GAN: variants seen among roughly 807,000 people sequenced by gnomAD.
GAN encodes epididymis secretory sperm binding protein.
In GAN, 48 loss-of-function variants were observed where a neutral mutation model predicts 71.3. The ratio of observed to expected loss-of-function variants is 0.67; its 90% CI spans 0.53 to 0.86. The LOEUF (loss-of-function observed/expected upper bound fraction) is 0.86. Among genes scored for constraint, GAN ranks in the 40% least tolerant of loss-of-function variants. GAN has a pLI of 0.00. For missense variants in GAN, 928 were observed against 770.1 expected (o/e 1.21, Z -2.43); for synonymous variants, 386 against 276.8 (o/e 1.39, Z -3.92).
chr16:81,372,369 G>A (rs1911063773), intron 9 of GAN, among the ~76,000 whole-genome samples: 1 of 152,190 alleles, frequency 6.6e-6, no homozygotes, highest in Non-Finnish European at 1.5e-5. Context: ...GTCATTTGAG[G>A]TTGTTGATGG....
rs566683577 is a variant in GAN, at chr16:81,384,700, C to G, written c.*7104C>G. The G allele has an allele frequency of 4.6e-4, 70 of 152,276 alleles. No homozygotes were observed. Among genetic ancestry groups the G allele is most frequent in the African/African-American group, 1.6e-3 (67 of 41,560 alleles). The allele number at this position is 152,276 out of a possible 1,614,324, so 9.4% of individuals were successfully genotyped here. ...CAGTGCAGAGTTGAGGTTGGCAGAA[C>G]TATATAGAGTTGGATGATACTGAAA... On this transcript the variant is annotated 3_prime_UTR_variant, in exon 11 of 11. Transcript: ENST00000648994.
chr16:81,341,489 C>T (rs1909940597), intron 1 of GAN, among the ~76,000 whole-genome samples: 1 of 152,116 alleles, frequency 6.6e-6, no homozygotes, highest in Non-Finnish European at 1.5e-5. Context: ...ATTCAACATT[C>T]TTAAAACTAT....
At chr16:81,354,097 G>A (rs1277578754) in intron 2 of GAN, among the ~76,000 whole-genome samples, 1 of 152,156 alleles carries the variant, frequency 6.6e-6, no homozygotes, top group East Asian at 1.9e-4. Flanking sequence ...AGTCATTAAG[G>A]TTTTTCTCTG....
At chr16:81,337,232 A>C (rs1337421557) in intron 1 of GAN, among the ~76,000 whole-genome samples, 2 of 152,184 alleles carry the variant, frequency 1.3e-5, no homozygotes, top group African/African-American at 4.8e-5. Context: ...CCCCTCTTCA[A>C]ATATCTCAGG....
chr16:81,356,996 A>C lies in GAN; in HGVS notation c.845A>C (p.Glu282Ala). 6.3e-7 allele frequency: 1 copy of C among 1,593,166 alleles called. No individual in the cohort carries two copies. ...TGCATCGTGACTGTTGGTGGAGAAG[A>C]GAGAGTGTAAGTATGAGGTGGGACT... ...SECIVTVGGE[E>A]RVSRKPTAAM... The change falls in exon 4 of 11, where the codon GAG becomes GCG. Residue 282 changes from glutamate (E) to alanine (A), a missense_variant. Physicochemically the swap from Glu to Ala is moderately radical, Grantham distance 107. Transcript: ENST00000648994.
Position 81,377,250 on chromosome 16 carries a change from A to C in GAN, c.1534A>C (p.Ile512Leu), listed in dbSNP as rs1420753099. The C allele has an allele frequency of 6.2e-7, 1 of 1,611,410 alleles. No individual in the cohort carries two copies. The highest frequency in any genetic ancestry group is 1.3e-5 in the African/African-American group (1 of 74,862). ...CTATCTTAACGACCAGAATTTATGCATCCCCGCCAGTTCCTCTTTTGTTTA... is the reference window on the plus strand; with the variant it reads ...CTATCTTAACGACCAGAATTTATGCCTCCCCGCCAGTTCCTCTTTTGTTTA... ...WIYLNDQNLC[I>L]PASSSFVYGA... Residue 512 changes from isoleucine to leucine, a missense_variant, in exon 10 of 11, where the codon ATC becomes CTC. By Grantham distance (5) the Ile-to-Leu change is conservative. Coordinates refer to ENST00000648994, the MANE Select transcript of GAN (RefSeq NM_022041.4).
intron 1 of GAN, among the ~76,000 whole-genome samples, chr16:81,341,473 G>A (rs981480654): frequency 3.9e-5 from 6 of 152,178 alleles, no homozygotes. Context: ...GAGAGTGGGG[G>A]CCAATATTCA....
chr16:81,352,951 A>G (rs1910348159), intron 2 of GAN, among the ~76,000 whole-genome samples: 1 of 152,224 alleles, frequency 6.6e-6, no homozygotes, highest in Non-Finnish European at 1.5e-5. Context: ...AAGTTGAAAC[A>G]TTATTTACAG....
In GAN at chr16:81,377,620, G is replaced by A; in HGVS notation, c.*24G>A. 1 of 1,603,824 alleles carries A rather than the reference G, an allele frequency of 6.2e-7. No individual in the cohort carries two copies. Among genetic ancestry groups the A allele is most frequent in the South Asian group, 1.1e-5 (1 of 90,840 alleles). ...GAGGAGGAAGCAGAGCAGAGTGCGA[G>A]ATCCTGACCCAAGAGCACCATAACA... On this transcript the variant is annotated 3_prime_UTR_variant, in exon 11 of 11. Transcript: ENST00000648994.
At chr16:81,352,974 G>C (rs1366745864) in intron 2 of GAN, among the ~76,000 whole-genome samples, 1 of 152,204 alleles carries the variant, frequency 6.6e-6, no homozygotes, top group Non-Finnish European at 1.5e-5. Context: ...TGAGTTCTGT[G>C]ATTTGTTCCC....
At chr16:81,375,481 C>T (rs989539992) in intron 9 of GAN, among the ~76,000 whole-genome samples, 14 of 151,724 alleles carry the variant, frequency 9.2e-5, no homozygotes, top group Non-Finnish European at 1.2e-4. Flanking sequence ...CAGATGCCAC[C>T]ACATTTGGCT....
At chr16:81,350,051 A>C (rs1910247078) in intron 1 of GAN, among the ~76,000 whole-genome samples, 1 of 152,212 alleles carries the variant, frequency 6.6e-6, no homozygotes, top group African/African-American at 2.4e-5. Flanking sequence ...TTGTTCTTCA[A>C]ATTCTTCATC....
At chr16:81,343,786 A>G (rs1910025576) in intron 1 of GAN, among the ~76,000 whole-genome samples, 1 of 152,216 alleles carries the variant, frequency 6.6e-6, no homozygotes, top group African/African-American at 2.4e-5. Context: ...GGCAAGAGAA[A>G]GCAATAAAGC....
chr16:81,375,004 A>C (rs1042020828), intron 9 of GAN, among the ~76,000 whole-genome samples: 8 of 144,834 alleles, frequency 5.5e-5, no homozygotes, highest in Non-Finnish European at 1.2e-4. Flanking sequence ...GATAAAACTA[A>C]AAGTTCCAGA....
intron 1 of GAN, among the ~76,000 whole-genome samples, chr16:81,340,640 C>A (rs1276437174): frequency 1.3e-5 from 2 of 152,132 alleles, no homozygotes; most frequent in African/African-American, 4.8e-5. Flanking sequence ...AGGTCACCAA[C>A]ATCAAAGACC....
At chr16:81,352,936 T>A (rs1433096931) in intron 2 of GAN, among the ~76,000 whole-genome samples, 1 of 152,226 alleles carries the variant, frequency 6.6e-6, no homozygotes, top group East Asian at 1.9e-4. Flanking sequence ...CAGGCTTGGA[T>A]TTGAAAGTTG....
Position 81,351,113 on chromosome 16 carries a change from G to C in GAN, c.168-470G>C, listed in dbSNP as rs376776037. On this transcript the variant is annotated intron_variant, in intron 1 of 10. Transcript: ENST00000648994. ...CAAGGAAAAAGTGAGCATAGGATTT[G>C]GGATAATGGTTACTTCAGATGGTGG... Among the ~76,000 whole-genome samples the C allele has an allele frequency of 2.1e-3, 325 of 152,334 alleles. 2 individuals carry two copies. The highest frequency in any genetic ancestry group is 2.5e-3 in the Non-Finnish European group (169 of 68,024).
intron 1 of GAN, among the ~76,000 whole-genome samples, chr16:81,350,398 A>T (rs1910260396): frequency 6.6e-6 from 1 of 152,244 alleles, no homozygotes; most frequent in South Asian, 2.1e-4. Context: ...ATGCCCTTAC[A>T]CATACATAGT....
chr16:81,357,674 A>T, intron 4 of GAN, 136 bp from the exon 5 acceptor site: 2 of 806,798 alleles, frequency 2.5e-6, no homozygotes, highest in South Asian at 2.8e-5. Context: ...TCCCTGAGGA[A>T]TCGTCACACT....
Sources: gnomAD v4.1 joint callset for allele counts (sites outside exome capture counted in the v4.1 genomes callset) on GRCh38, gnomAD v4.1.1 for gene constraint, MANE v1.5 for transcripts, NCBI Gene and HGNC (gene_info 2026-07-23, HGNC 2026-07-21) for gene names.